TSPAN18: variants seen among roughly 807,000 people sequenced by gnomAD.
The protein encoded by TSPAN18 is tetraspanin 18.
In TSPAN18, 14 loss-of-function variants were observed where a neutral mutation model predicts 27.3. The ratio of observed to expected loss-of-function variants is 0.51; its 90% CI spans 0.34 to 0.80. The LOEUF (loss-of-function observed/expected upper bound fraction) is 0.80, where lower values mean the gene tolerates loss of function less well. TSPAN18 is among the 30% of genes least tolerant of loss of function. The probability of loss-of-function intolerance (pLI) is 0.01; values close to 1 mark genes in which losing one functional copy is unlikely to be tolerated. For synonymous variants in TSPAN18, 143 were observed against 136.5 expected, an observed-to-expected ratio of 1.05 and a Z score of -0.33; for missense variants, 268 against 323.9, an observed-to-expected ratio of 0.83 and a Z score of 1.32.
intron 3 of TSPAN18, among the ~76,000 whole-genome samples, chr11:44,862,763 G>A (rs1857932189): frequency 2.6e-5 from 4 of 152,284 alleles, no homozygotes; most frequent in East Asian, 1.9e-4. Flanking sequence ...TAGATATGTC[G>A]GTCAGTTACT....
chr11:44,816,922 G>A (rs1290724203), intron 2 of TSPAN18, among the ~76,000 whole-genome samples: 2 of 151,730 alleles, frequency 1.3e-5, no homozygotes, highest in Non-Finnish European at 2.9e-5. Flanking sequence ...GAGCAGTACA[G>A]GAGAGTGCCA....
At chr11:44,765,872 T>C (rs191347143) in intron 2 of TSPAN18, among the ~76,000 whole-genome samples, 1 of 152,328 alleles carries the variant, frequency 6.6e-6, no homozygotes, top group East Asian at 1.9e-4. Context: ...ATGAAATCCC[T>C]GCAGGCCTTG....
chr11:44,851,224 C>G (rs1857592596), intron 2 of TSPAN18, among the ~76,000 whole-genome samples: 1 of 152,196 alleles, frequency 6.6e-6, no homozygotes. Flanking sequence ...CGGGGAATCT[C>G]TGGGGACTGG....
rs575190274 is a variant in TSPAN18, at chr11:44,779,863, A to G, written c.-153+15351A>G. Among the ~76,000 whole-genome samples the G allele has an allele frequency of 8.6e-5, 13 of 151,980 alleles. No homozygotes were observed. In the East Asian group the frequency reaches 2.5e-3, roughly 30 times the overall value. ...CACACATGCACACATCCCTGTGGAC[A>G]CCTACACACATACCTGTGTATACTT... On this transcript the variant is annotated intron_variant, in intron 2 of 9. Transcript: ENST00000520358.
chr11:44,795,793 G>A (rs948287219), intron 2 of TSPAN18, among the ~76,000 whole-genome samples: 2 of 152,146 alleles, frequency 1.3e-5, no homozygotes, highest in Non-Finnish European at 2.9e-5. Context: ...GGACCTTGGG[G>A]TGTACAGGCA....
chr11:44,902,668 G>A (rs896843900), intron 3 of TSPAN18, among the ~76,000 whole-genome samples: 1 of 152,198 alleles, frequency 6.6e-6, no homozygotes, highest in Non-Finnish European at 1.5e-5. Flanking sequence ...GGCAGGGCCT[G>A]GAGAAAAGGA....
At position 44,851,612 on chromosome 11, in the gene TSPAN18, A is replaced by ACCCCCCCCCC. The variant is rs1278720815; in HGVS notation, c.-152-8714_-152-8713insCCCCCCCCCC. Reference sequence around the variant, plus strand: ...CTCTGTTAGCCCAGGTACTCTTGTCACCTCCCCCCCCCAACGGCTGGGTCC... The same window carrying ACCCCCCCCCC: ...CTCTGTTAGCCCAGGTACTCTTGTCACCCCCCCCCCCCTCCCCCCCCCAACGGCTGGGTCC... On this transcript the variant is annotated intron_variant, in intron 2 of 9. Coordinates refer to ENST00000520358, the MANE Select transcript of TSPAN18 (RefSeq NM_130783.5). Among the ~76,000 whole-genome samples, 108 of 110,810 alleles carry ACCCCCCCCCC rather than the reference A, an allele frequency of 9.7e-4. 9 individuals are homozygous for ACCCCCCCCCC. Among genetic ancestry groups the ACCCCCCCCCC allele is most frequent in the Admixed American group, 1.4e-3 (15 of 10,842 alleles). 72.7% of individuals were successfully genotyped at this position (110,810 alleles called of 152,430 possible). A position where few individuals can be genotyped will look rare whatever the true frequency, so the allele number is the denominator to read the frequency against.
chr11:44,821,728 A>G (rs1015374777), intron 2 of TSPAN18, among the ~76,000 whole-genome samples: 3 of 152,184 alleles, frequency 2.0e-5, no homozygotes, highest in Non-Finnish European at 4.4e-5. Context: ...TTCCTCTTCT[A>G]TATCCCTGAC....
chr11:44,747,195 C>T (rs1449417566), intron 1 of TSPAN18, among the ~76,000 whole-genome samples: 1 of 152,258 alleles, frequency 6.6e-6, no homozygotes, highest in African/African-American at 2.4e-5. Flanking sequence ...CACCTAGGAA[C>T]ATGCCAGCTC....
At chr11:44,811,125 AACACACAC>A (rs61153202) in intron 2 of TSPAN18, among the ~76,000 whole-genome samples, 1,765 of 142,536 alleles carry the variant, frequency 0.012, 22 homozygotes, top group East Asian at 0.027. Flanking sequence ...CTGGAGTTTT[AACACACAC>A]ACACACACAC....
intron 1 of TSPAN18, among the ~76,000 whole-genome samples, chr11:44,755,516 AGG>A (rs1271613258): frequency 2.6e-5 from 4 of 152,020 alleles, no homozygotes; most frequent in Non-Finnish European, 5.9e-5. Flanking sequence ...GGCTTCATTA[AGG>A]GCTGCCCTGG....
chr11:44,826,024 T>C (rs1301211291), intron 2 of TSPAN18, among the ~76,000 whole-genome samples: 1 of 152,138 alleles, frequency 6.6e-6, no homozygotes, highest in Non-Finnish European at 1.5e-5. Flanking sequence ...AAGATCTACC[T>C]TACAAGGCTG....
At chr11:44,819,680 C>G (rs1030480986) in intron 2 of TSPAN18, among the ~76,000 whole-genome samples, 7 of 151,032 alleles carry the variant, frequency 4.6e-5, no homozygotes, top group Non-Finnish European at 1.0e-4. Flanking sequence ...CTGCTTTTTC[C>G]ATTTTCTTGA....
intron 2 of TSPAN18, among the ~76,000 whole-genome samples, chr11:44,843,504 T>G (rs1857417815): frequency 6.6e-6 from 1 of 152,194 alleles, no homozygotes; most frequent in African/African-American, 2.4e-5. Context: ...CGGGCACCAT[T>G]GTCATTGATA....
At chr11:44,790,559 T>A (rs1437466861) in intron 2 of TSPAN18, among the ~76,000 whole-genome samples, 3 of 151,108 alleles carry the variant, frequency 2.0e-5, no homozygotes, top group African/African-American at 7.3e-5. Flanking sequence ...TGTGTGCATG[T>A]GTTCGTGTGT....
At chr11:44,728,808 AACATTGAAGGG>A (rs1296960468) in intron 1 of TSPAN18, among the ~76,000 whole-genome samples, 4 of 152,200 alleles carry the variant, frequency 2.6e-5, no homozygotes, top group Non-Finnish European at 4.4e-5. Flanking sequence ...GTGCGGGGCT[AACATTGAAGGG>A]ACATTGGAGG....
Position 44,932,101 on chromosome 11 carries a change from A to G in TSPAN18, c.*2923A>G, listed in dbSNP as rs1860594745. 1 of 152,016 alleles carries G rather than the reference A, an allele frequency of 6.6e-6. No homozygotes were observed. The highest frequency in any genetic ancestry group is 1.5e-5 in the Non-Finnish European group (1 of 68,008). 9.4% of individuals were successfully genotyped at this position (152,016 alleles called of 1,614,324 possible). ...GGCCTGTCCACAGCCTCCCTTGTCT[A>G]TGTCTCTATCCATGCTTAAGGGGCC... On this transcript the variant is annotated 3_prime_UTR_variant, in exon 10 of 10. Coordinates refer to ENST00000520358, the MANE Select transcript of TSPAN18 (RefSeq NM_130783.5).
At chr11:44,827,608 C>A (rs1189571186) in intron 2 of TSPAN18, among the ~76,000 whole-genome samples, 3 of 152,182 alleles carry the variant, frequency 2.0e-5, no homozygotes, top group Non-Finnish European at 4.4e-5. Flanking sequence ...TGGAATAAAG[C>A]CTTAGCCTGA....
chr11:44,928,605 G>C (rs1371774129), intron 9 of TSPAN18, among the ~76,000 whole-genome samples: 1 of 152,236 alleles, frequency 6.6e-6, no homozygotes, highest in East Asian at 1.9e-4. Flanking sequence ...GGCCAACATG[G>C]TGAAACCCTG....
Sources: allele counts gnomAD v4.1 joint callset (sites outside exome capture counted in the v4.1 genomes callset), GRCh38; gene constraint gnomAD v4.1.1; transcripts MANE v1.5; gene names NCBI Gene and HGNC (gene_info 2026-07-23, HGNC 2026-07-21).